The following MET variants were observed in gnomAD, a reference collection of about 807,000 sequenced individuals.
MET encodes MET proto-oncogene, receptor tyrosine kinase.
A neutral mutation model predicts 133.1 loss-of-function variants in MET; 48 were observed. The observed-to-expected ratio is 0.36, with a 90% CI of 0.29 to 0.46. The LOEUF (loss-of-function observed/expected upper bound fraction) is 0.46, where lower values mean the gene tolerates loss of function less well. Ranked by LOEUF, MET falls within the 20% of genes least tolerant of loss-of-function variation. MET has a pLI of 1.00. For missense variants in MET, 1,442 were observed against 1,695.9 expected (o/e 0.85, Z 2.63); for synonymous variants, 628 against 616.5 (o/e 1.02, Z -0.28).
chr7:116,736,999 T>G (rs1341606363), intron 3 of MET, among the ~76,000 whole-genome samples: 3 of 152,274 alleles, frequency 2.0e-5, no homozygotes, highest in African/African-American at 7.2e-5. Context: ...TTATTTAGAA[T>G]CCTAGCAATA....
At chr7:116,675,946 T>G (rs917282326) in intron 1 of MET, among the ~76,000 whole-genome samples, 1 of 152,306 alleles carries the variant, frequency 6.6e-6, no homozygotes, top group East Asian at 1.9e-4. Flanking sequence ...GTTAAACAGG[T>G]TAGTATATTC....
At chr7:116,751,801 T>C (rs1456939127) in intron 5 of MET, among the ~76,000 whole-genome samples, 2 of 152,082 alleles carry the variant, frequency 1.3e-5, no homozygotes, top group African/African-American at 4.8e-5. Context: ...GTGGCTCATG[T>C]CTGTAATCCC....
rs191023329 is a variant in MET at position 116,792,691 on chromosome 7, C to T, written c.3799-2964C>T. On this transcript the variant is annotated intron_variant, in intron 19 of 20. Coordinates refer to ENST00000397752, the MANE Select transcript of MET (RefSeq NM_000245.4). ...TGAGTCCTCCAGCTATTTTCTGATA[C>T]CCAGTTATTGCCCACGTCCTTTAAT... Among the ~76,000 whole-genome samples the T allele has an allele frequency of 3.3e-5, 5 of 152,224 alleles. No homozygotes were observed. The East Asian group carries it at 9.7e-4, about 29-fold the overall frequency.
In MET at chr7:116,672,322, C is replaced by T; in HGVS notation, c.-270C>T. 1 of 270,440 alleles carries T rather than the reference C, an allele frequency of 3.7e-6. No homozygotes were observed. The allele number at this position is 270,440 out of a possible 1,614,324, so 16.8% of individuals were successfully genotyped here. On this transcript the variant is annotated 5_prime_UTR_variant, in exon 1 of 21. Coordinates refer to ENST00000397752, the MANE Select transcript of MET (RefSeq NM_000245.4). ...CCCGGCTGAGTCACTGGCAGGGCAGCGCGCGTGTGGGAAGGGGCGGAGGGA... is the reference window on the plus strand; with the variant it reads ...CCCGGCTGAGTCACTGGCAGGGCAGTGCGCGTGTGGGAAGGGGCGGAGGGA...
chr7:116,705,285 C>T (rs998917673), intron 2 of MET, among the ~76,000 whole-genome samples: 11 of 151,926 alleles, frequency 7.2e-5, no homozygotes, highest in Admixed American at 5.2e-4. Context: ...GGGCATGTCT[C>T]GTAATATTTA....
chr7:116,755,501 G>C lies in MET; in HGVS notation c.1848G>C (p.Glu616Asp), dbSNP rs2116910921. Residue 616 changes from glutamate to aspartate, a missense_variant, in exon 6 of 21, where the codon GAG (glutamate) becomes GAC (aspartate). This residue lies in a region of MET where 762 missense variants were observed against 792.4 expected (regional missense o/e 0.96). Coordinates refer to ENST00000397752, the MANE Select transcript of MET (RefSeq NM_000245.4). ...GNESCTLTLS[E>D]STMNTLKCTV... ...AGAGCTGCACCTTGACTTTAAGTGA[G>C]AGCACGATGAATACGTAAGGATCTT... is the stretch of plus-strand genomic sequence containing the variant. 2 of 1,614,118 alleles carry C rather than the reference G, an allele frequency of 1.2e-6. No homozygotes were observed. The highest frequency in any genetic ancestry group is 1.1e-5 in the South Asian group (1 of 91,084).
intron 15 of MET, among the ~76,000 whole-genome samples, chr7:116,777,010 T>C (rs1033434044): frequency 3.3e-5 from 5 of 152,210 alleles, no homozygotes; most frequent in African/African-American, 1.2e-4. Context: ...GTTAACTTTA[T>C]TTTCATATTT....
rs1554388638 is a variant in MET at position 116,731,708 on chromosome 7, A to T, written c.1241A>T (p.Asp414Val). ...TCATCAGGCTGTGAAGCGCGCCGTGATGAATATCGAACAGAGTTTACCACA... is the reference window on the plus strand; with the variant it reads ...TCATCAGGCTGTGAAGCGCGCCGTGTTGAATATCGAACAGAGTTTACCACA... Reference protein sequence around the residue: ...RNSSGCEARRDEYRTEFTTAL... With the variant: ...RNSSGCEARRVEYRTEFTTAL... Residue 414 changes from aspartate to valine, a missense_variant, in exon 3 of 21, where the codon GAT becomes GTT. Transcript: ENST00000397752. The T allele has an allele frequency of 6.2e-7, 1 of 1,614,130 alleles. No homozygotes were observed. The highest frequency in any genetic ancestry group is 8.5e-7 in the Non-Finnish European group (1 of 1,179,982).
At chr7:116,743,073 G>A (rs1326033869) in intron 5 of MET, among the ~76,000 whole-genome samples, 1 of 152,212 alleles carries the variant, frequency 6.6e-6, no homozygotes, top group Non-Finnish European at 1.5e-5. Flanking sequence ...AGTGGGTGCA[G>A]CCCACAGAGG....
intron 2 of MET, among the ~76,000 whole-genome samples, chr7:116,704,088 C>T (rs571503749): frequency 1.4e-3 from 213 of 152,190 alleles, no homozygotes; most frequent in Non-Finnish European, 1.6e-3. Context: ...GGGTGGAAGT[C>T]CTGGTTTACT....
chr7:116,729,308 T>C (rs1353612134), intron 2 of MET, among the ~76,000 whole-genome samples: 1 of 152,210 alleles, frequency 6.6e-6, no homozygotes, highest in Non-Finnish European at 1.5e-5. Context: ...ATCTCTAAGT[T>C]TCTATTTGCT....
intron 19 of MET, 57 bp downstream of exon 19, chr7:116,783,526 T>C (rs1795216364): frequency 6.3e-7 from 1 of 1,598,102 alleles, no homozygotes; most frequent in Non-Finnish European, 8.6e-7. Context: ...CCAACTTTTT[T>C]TGAAGTTTTA....
chr7:116,700,709 A>C (rs1791546888), intron 2 of MET, among the ~76,000 whole-genome samples: 1 of 152,188 alleles, frequency 6.6e-6, no homozygotes, highest in South Asian at 2.1e-4. Context: ...TGTTCAAGCT[A>C]ATTTGTATGC....
At chr7:116,710,184 T>G (rs960853613) in intron 2 of MET, among the ~76,000 whole-genome samples, 4 of 152,194 alleles carry the variant, frequency 2.6e-5, no homozygotes, top group African/African-American at 9.6e-5. Flanking sequence ...GGAAAGGTAT[T>G]GATTCAAGTA....
rs748776466 is a variant in MET at position 116,699,122 on chromosome 7, T to C, written c.38T>C (p.Val13Ala). 3 of 1,613,810 alleles carry C rather than the reference T, an allele frequency of 1.9e-6. No individual in the cohort carries two copies. The change falls in exon 2 of 21, where the codon GTG becomes GCG. Residue 13 changes from valine to alanine, a missense_variant. By Grantham distance (64) the Val-to-Ala change is moderately conservative. Transcript: ENST00000397752. Reference protein sequence around the residue: ...APAVLAPGILVLLFTLVQRSN... With the variant: ...APAVLAPGILALLFTLVQRSN... ...GCTGTGCTTGCACCTGGCATCCTCG[T>C]GCTCCTGTTTACCTTGGTGCAGAGG...
chr7:116,695,556 G>A (rs760010863), intron 1 of MET, among the ~76,000 whole-genome samples: 3 of 152,164 alleles, frequency 2.0e-5, no homozygotes, highest in Non-Finnish European at 4.4e-5. Context: ...AGAATCAGAG[G>A]GCTGATTGTC....
At chr7:116,707,012 T>A (rs1173065088) in intron 2 of MET, among the ~76,000 whole-genome samples, 1 of 151,986 alleles carries the variant, frequency 6.6e-6, no homozygotes, top group African/African-American at 2.4e-5. Context: ...CATTTGCATG[T>A]GAATTACTTG....
At chr7:116,791,017 G>T (rs1036257863) in intron 19 of MET, among the ~76,000 whole-genome samples, 1 of 152,212 alleles carries the variant, frequency 6.6e-6, no homozygotes, top group African/African-American at 2.4e-5. Context: ...TGCAGAGGTT[G>T]CAGTGAGCTG....
chr7:116,712,746 T>G (rs1792047365), intron 2 of MET, among the ~76,000 whole-genome samples: 1 of 151,018 alleles, frequency 6.6e-6, no homozygotes, highest in Non-Finnish European at 1.5e-5. Context: ...TGAAGATTGA[T>G]CAAAGAACAA....
Sources: allele counts gnomAD v4.1 joint callset (sites outside exome capture counted in the v4.1 genomes callset), GRCh38; gene constraint gnomAD v4.1.1; regional missense constraint gnomAD v4.1.1; transcripts MANE v1.5; gene names NCBI Gene and HGNC (gene_info 2026-07-23, HGNC 2026-07-21).